C16orf95: variants seen among roughly 807,000 people sequenced by gnomAD.
The protein encoded by C16orf95 is uncharacterized protein C16orf95.
C16orf95 carries 41 observed loss-of-function variants against 32.1 expected under a neutral mutation model. That is an observed-to-expected ratio of 1.28 (90% confidence interval 1.00 to 1.66). The LOEUF (loss-of-function observed/expected upper bound fraction) is 1.66, where lower values mean the gene tolerates loss of function less well. Ranked by LOEUF, C16orf95 falls within the 40% of genes most tolerant of loss-of-function variation. C16orf95 has a pLI of 0.00. For missense variants in C16orf95, 399 were observed against 325.9 expected (o/e 1.22, Z -1.73); for synonymous variants, 147 against 128.9 (o/e 1.14, Z -0.95).
At position 87,315,772 on chromosome 16, in the gene C16orf95, C is replaced by T. The variant is rs576073420; in HGVS notation, c.204G>A (p.Ser68=). The T allele has an allele frequency of 3.1e-5, 48 of 1,528,504 alleles. No homozygotes were observed. The Admixed American group carries it at 4.6e-4, about 15-fold the overall frequency. The allele number at this position is 1,528,504 out of a possible 1,614,324, so 94.7% of individuals were successfully genotyped here. A position where few individuals can be genotyped will look rare whatever the true frequency, so the allele number is the denominator to read the frequency against. The part of the protein sequence containing the change: ...YKKEVCLPRH[S]MHPGPWAICC... ...GTGGCTGAGGATTTGCTTTCCTTAC[C>T]GAATGACGGGGGAGGCACACTTCTT... The change falls in exon 2 of 7, where the codon TCG becomes TCA. Residue 68 remains serine, a splice_region_variant and synonymous_variant. Transcript: ENST00000567970.
intron 5 of C16orf95, among the ~76,000 whole-genome samples, chr16:87,309,546 G>C (rs1266302996): frequency 6.6e-6 from 1 of 151,568 alleles, no homozygotes; most frequent in African/African-American, 2.4e-5. Flanking sequence ...ACCACACCCA[G>C]CTAATTTTTT....
At chr16:87,304,670 C>A (rs951128174) in intron 6 of C16orf95, among the ~76,000 whole-genome samples, 1 of 152,168 alleles carries the variant, frequency 6.6e-6, no homozygotes, top group East Asian at 1.9e-4. Flanking sequence ...ACCCGTACCC[C>A]GATGCACATC....
chr16:87,307,733 G>C (rs957911034), intron 5 of C16orf95, among the ~76,000 whole-genome samples: 1 of 152,156 alleles, frequency 6.6e-6, no homozygotes, highest in East Asian at 1.9e-4. Context: ...ACTCCAGCCT[G>C]GGTGACAGAG....
chr16:87,316,368 T>G (rs534233278), intron 1 of C16orf95, among the ~76,000 whole-genome samples: 1 of 152,192 alleles, frequency 6.6e-6, no homozygotes, highest in African/African-American at 2.4e-5. Flanking sequence ...ACAAACTGCT[T>G]GAATGTTGGC....
In C16orf95 at chr16:87,305,867, G is replaced by A. The variant is rs915080741; in HGVS notation, c.553C>T (p.Arg185Trp). The change falls in exon 6 of 7, where the codon CGG becomes TGG. Residue 185 changes from arginine (R) to tryptophan (W), a missense_variant. By Grantham distance (101) the Arg-to-Trp change is moderately radical. Transcript: ENST00000567970. The surrounding 1 kb of genome is among the most constrained non-coding windows in gnomAD (Gnocchi z 4.2). ...LDACCWHNCW[R>W]ICGDECLLSK... is the part of the protein sequence containing the mutation. The stretch of plus-strand genomic sequence containing the variant: ...AACAGGCACTCATCACCGCAGATCC[G>A]CCAGCAGTTGTGCCAGCAGCATGCA... 17 of 1,445,020 alleles carry A rather than the reference G, an allele frequency of 1.2e-5. No homozygotes were observed. Among genetic ancestry groups the A allele is most frequent in the South Asian group, 2.8e-5 (2 of 71,348 alleles). The allele number at this position is 1,445,020 out of a possible 1,614,324, so 89.5% of individuals were successfully genotyped here.
In C16orf95 at chr16:87,315,792, C is replaced by T. The variant is rs1240226215; in HGVS notation, c.184G>A (p.Val62Met). ...CTTACCGAATGACGGGGGAGGCACA[C>T]TTCTTTCTTGTAGGTTTGAAATGTG... ...NSTFQTYKKE[V>M]CLPRHSMHPG... The change falls in exon 2 of 7, where the codon GTG (valine) becomes ATG (methionine). Residue 62 changes from valine (V) to methionine (M), a missense_variant. Coordinates refer to ENST00000567970, the MANE Select transcript of C16orf95 (RefSeq NM_001195124.3). 3.3e-6 allele frequency: 5 copies of T among 1,531,154 alleles called. No homozygotes were observed. Among genetic ancestry groups the T allele is most frequent in the Non-Finnish European group, 1.7e-6 (2 of 1,144,390 alleles). 94.8% of individuals were successfully genotyped at this position (1,531,154 alleles called of 1,614,324 possible). A position where few individuals can be genotyped will look rare whatever the true frequency, so the allele number is the denominator to read the frequency against.
Position 87,305,497 on chromosome 16 carries a change from C to A in C16orf95, c.701+222G>T, listed in dbSNP as rs943548128. Among the ~76,000 whole-genome samples, 1 of 151,754 alleles carries A rather than the reference C, an allele frequency of 6.6e-6. No homozygotes were observed. The highest frequency in any genetic ancestry group is 2.4e-5 in the African/African-American group (1 of 41,344). On this transcript the variant is annotated intron_variant, in intron 6 of 6. Coordinates refer to ENST00000567970, the MANE Select transcript of C16orf95 (RefSeq NM_001195124.3). The surrounding 1 kb of genome is among the most constrained non-coding windows in gnomAD (Gnocchi z 4.2). ...GAAGGGGTGGAAGTGCCCCACGAGG[C>A]CCCCGCCGCCCCCAGGCTGCCCTGG...
chr16:87,317,317 C>T lies in C16orf95; in HGVS notation c.-75G>A. On this transcript the variant is annotated 5_prime_UTR_variant, in exon 1 of 7. Coordinates refer to ENST00000567970, the MANE Select transcript of C16orf95 (RefSeq NM_001195124.3). ...CCCTGACGCCCTGGCTCCCGCCTTT[C>T]CCTCCTGCCCCAGGAGGAACCCAAC... The T allele has an allele frequency of 1.4e-6, 2 of 1,450,566 alleles. No homozygotes were observed. The highest frequency in any genetic ancestry group is 1.8e-6 in the Non-Finnish European group (2 of 1,100,248). The allele number at this position is 1,450,566 out of a possible 1,614,324, so 89.9% of individuals were successfully genotyped here. A position where few individuals can be genotyped will look rare whatever the true frequency, so the allele number is the denominator to read the frequency against.
chr16:87,306,453 A>G (rs1041682404), intron 5 of C16orf95, among the ~76,000 whole-genome samples: 7 of 152,050 alleles, frequency 4.6e-5, no homozygotes, highest in African/African-American at 1.7e-4. Flanking sequence ...GTTTGTTTTT[A>G]TTTTTTATTA....
Position 87,305,754 on chromosome 16 carries a change from G to A in C16orf95, c.666C>T (p.Leu222=). Residue 222 remains leucine, a synonymous_variant, in exon 6 of 7, where the codon CTC becomes CTT. Coordinates refer to ENST00000567970, the MANE Select transcript of C16orf95 (RefSeq NM_001195124.3). This position sits in a 1 kb window ranked among gnomAD's most constrained non-coding sequence, Gnocchi z 4.2. ...ARLLPLGLLT[L]LQAIPRVIMA... is the part of the protein sequence containing the mutation. ...TGATGACCCTCGGGATGGCCTGGAG[G>A]AGGGTCAGGAGGCCGAGGGGCAGCA... 6.6e-7 allele frequency: 1 copy of A among 1,517,762 alleles called. No individual in the cohort carries two copies. The highest frequency in any genetic ancestry group is 8.8e-7 in the Non-Finnish European group (1 of 1,138,092). The allele number at this position is 1,517,762 out of a possible 1,614,324, so 94.0% of individuals were successfully genotyped here. A position where few individuals can be genotyped will look rare whatever the true frequency, so the allele number is the denominator to read the frequency against.
At chr16:87,309,544 C>A (rs1009707941) in intron 5 of C16orf95, among the ~76,000 whole-genome samples, 1 of 151,804 alleles carries the variant, frequency 6.6e-6, no homozygotes, top group African/African-American at 2.4e-5. Flanking sequence ...CCACCACACC[C>A]AGCTAATTTT....
intron 5 of C16orf95, among the ~76,000 whole-genome samples, chr16:87,307,931 T>C (rs1268384498): frequency 1.3e-5 from 2 of 152,176 alleles, no homozygotes; most frequent in Non-Finnish European, 2.9e-5. Context: ...TTTTACATCA[T>C]TAACTGAAGA....
intron 1 of C16orf95, among the ~76,000 whole-genome samples, chr16:87,316,283 G>A (rs947757112): frequency 6.6e-5 from 10 of 152,006 alleles, no homozygotes; most frequent in Admixed American, 1.3e-4. Context: ...ATAAAAACCC[G>A]GGTGCTTTGT....
rs546464796 is a variant in C16orf95, at chr16:87,306,089, A to G, written c.515-184T>C. The stretch of plus-strand genomic sequence containing the variant: ...ATAAAGGCCGTCTTGCGGGTTTATG[A>G]TATCCTGGGTAACGGCAGCCTTGGG... On this transcript the variant is annotated intron_variant, in intron 5 of 6. Transcript: ENST00000567970. 19 of 442,066 alleles carry G rather than the reference A, an allele frequency of 4.3e-5. No homozygotes were observed. The South Asian group carries it at 1.0e-3, about 24-fold the overall frequency. 27.4% of individuals were successfully genotyped at this position (442,066 alleles called of 1,614,324 possible). A position where few individuals can be genotyped will look rare whatever the true frequency, so the allele number is the denominator to read the frequency against.
chr16:87,309,706 C>T (rs1200169577), intron 5 of C16orf95, among the ~76,000 whole-genome samples: 1 of 152,062 alleles, frequency 6.6e-6, no homozygotes, highest in East Asian at 1.9e-4. Flanking sequence ...TTTCCATAAA[C>T]TTTTTCAAGG....
At chr16:87,316,702 C>T (rs552415750) in intron 1 of C16orf95, among the ~76,000 whole-genome samples, 1 of 152,124 alleles carries the variant, frequency 6.6e-6, no homozygotes, top group African/African-American at 2.4e-5. Context: ...GCCAAACTCA[C>T]CACTGCCCAG....
At chr16:87,315,218 T>A in intron 2 of C16orf95, 122 bp from the exon 3 acceptor site, 1 of 1,025,442 alleles carries the variant, frequency 9.8e-7, no homozygotes, top group African/African-American at 1.6e-5. Context: ...GGTCCCCAGC[T>A]CCTACTGCAG....
intron 4 of C16orf95, 100 bp from the exon 5 acceptor site, chr16:87,310,433 G>C (rs746393837): frequency 9.8e-6 from 12 of 1,223,446 alleles, no homozygotes; most frequent in South Asian, 2.6e-5. Context: ...GCACTGGCCA[G>C]CTCAAGATAA....
intron 3 of C16orf95, among the ~76,000 whole-genome samples, chr16:87,312,084 C>T (rs1442707468): frequency 6.6e-6 from 1 of 152,210 alleles, no homozygotes; most frequent in East Asian, 1.9e-4. Flanking sequence ...TACACTCTTG[C>T]CTCAGTTCCT....
Sources: gnomAD v4.1 joint callset for allele counts (sites outside exome capture counted in the v4.1 genomes callset) on GRCh38, gnomAD v4.1.1 for gene constraint, Gnocchi (gnomAD v3.1) non-coding constraint, MANE v1.5 for transcripts, NCBI Gene and HGNC (gene_info 2026-07-23, HGNC 2026-07-21) for gene names.